Variants in ASTN2 observed in about 807,000 individuals in gnomAD.
ASTN2 encodes the protein astrotactin 2, also known as astrotactin-2.
ASTN2 carries 54 observed loss-of-function variants against 139.8 expected under a neutral mutation model. The ratio of observed to expected loss-of-function variants is 0.39; its 90% CI spans 0.31 to 0.48. The LOEUF is 0.48. Among genes scored for constraint, ASTN2 ranks in the 20% least tolerant of loss-of-function variants. The probability of loss-of-function intolerance (pLI) is 0.95; values close to 1 mark genes in which losing one functional copy is unlikely to be tolerated. For synonymous variants in ASTN2, 756 were observed against 719.5 expected, an observed-to-expected ratio of 1.05 and a Z score of -0.81; for missense variants, 1,565 against 1,725.1, an observed-to-expected ratio of 0.91 and a Z score of 1.64.
chr9:117,085,334 C>T (rs1403399628), intron 5 of ASTN2, among the ~76,000 whole-genome samples: 6 of 152,194 alleles, frequency 3.9e-5, no homozygotes, highest in Non-Finnish European at 8.8e-5. Context: ...TAACAATGGG[C>T]TCTCCCAGCA....
chr9:116,917,508 G>A (rs1238272937), intron 10 of ASTN2, among the ~76,000 whole-genome samples: 1 of 152,176 alleles, frequency 6.6e-6, no homozygotes, highest in Non-Finnish European at 1.5e-5. Flanking sequence ...TTTGGGTCTG[G>A]AGACAATAGA....
intron 2 of ASTN2, among the ~76,000 whole-genome samples, chr9:117,268,058 T>C (rs932935150): frequency 2.6e-5 from 4 of 152,200 alleles, no homozygotes; most frequent in African/African-American, 7.2e-5. Flanking sequence ...AGCACTGGAA[T>C]AGATTATAAA....
intron 1 of ASTN2, among the ~76,000 whole-genome samples, chr9:117,303,919 C>T (rs1043240902): frequency 6.6e-6 from 1 of 152,230 alleles, no homozygotes; most frequent in African/African-American, 2.4e-5. Context: ...CTTGCCCCCT[C>T]TTGATGCTCC....
In ASTN2 at chr9:116,626,801, C is replaced by T. The variant is rs961510154; in HGVS notation, c.3073-6358G>A. Among the ~76,000 whole-genome samples, 21 of 151,968 alleles carry T rather than the reference C, an allele frequency of 1.4e-4. No individual in the cohort carries two copies. The East Asian group carries it at 2.3e-3, about 17-fold the overall frequency. On this transcript the variant is annotated intron_variant, in intron 17 of 22. Coordinates refer to ENST00000313400, the MANE Select transcript of ASTN2 (RefSeq NM_001365068.1). ...TGACAATATGTGTAGTTGATCAGGA[C>T]GGAATTGATGAACACAGGAAGGATT...
At chr9:117,395,217 T>C (rs1278356317) in intron 1 of ASTN2, among the ~76,000 whole-genome samples, 2 of 152,152 alleles carry the variant, frequency 1.3e-5, no homozygotes, top group South Asian at 2.1e-4. Context: ...TTAACCTATA[T>C]AGCAGGACTC....
intron 1 of ASTN2, among the ~76,000 whole-genome samples, chr9:117,310,139 C>A (rs1292504056): frequency 6.6e-6 from 1 of 152,160 alleles, no homozygotes; most frequent in Admixed American, 6.5e-5. Context: ...TACATACATG[C>A]AAACATGCAT....
chr9:116,948,907 T>G (rs768965950), intron 10 of ASTN2, among the ~76,000 whole-genome samples: 75 of 144,434 alleles, frequency 5.2e-4, no homozygotes, highest in Admixed American at 7.3e-4. Context: ...TTCTCCTGCC[T>G]CAGCCTCCCG....
In ASTN2 at chr9:116,985,254, C is replaced by A. The variant is rs189994379; in HGVS notation, c.1592-8469G>T. 5.8e-4 allele frequency among the ~76,000 whole-genome samples: 89 copies of A among 152,342 alleles called. 1 individual carries two copies. The highest frequency in any genetic ancestry group is 5.6e-3 in the East Asian group (29 of 5,184). ...CAAAGCACTGAGACAAATGTGGACT[C>A]CGCATTGTAGCTGCCGGCCCCTTAT... On this transcript the variant is annotated intron_variant, in intron 7 of 22. Transcript: ENST00000313400.
At chr9:116,674,859 C>A (rs1859410052) in intron 16 of ASTN2, among the ~76,000 whole-genome samples, 1 of 152,164 alleles carries the variant, frequency 6.6e-6, no homozygotes, top group South Asian at 2.1e-4. Context: ...CCCCCAGCCA[C>A]CAAGTTATCC....
chr9:116,717,426 G>T (rs551309137), intron 16 of ASTN2, among the ~76,000 whole-genome samples: 1 of 152,076 alleles, frequency 6.6e-6, no homozygotes, highest in South Asian at 2.1e-4. Flanking sequence ...GTCTTCTGGC[G>T]TGCTGTAGAC....
intron 1 of ASTN2, among the ~76,000 whole-genome samples, chr9:117,331,499 G>C (rs565115346): frequency 6.6e-6 from 1 of 152,084 alleles, no homozygotes; most frequent in Non-Finnish European, 1.5e-5. Context: ...AATATAACAA[G>C]CCATACCCTC....
chr9:117,182,291 C>T, intron 3 of ASTN2, among the ~76,000 whole-genome samples: 1 of 150,448 alleles, frequency 6.6e-6, no homozygotes, highest in South Asian at 2.1e-4. Context: ...TGAGTGAACT[C>T]AGCATGCTTC....
chr9:116,725,762 C>G lies in ASTN2; in HGVS notation c.2806+9G>C. On this transcript the variant is annotated intron_variant, in intron 16 of 22. Transcript: ENST00000313400. ...TGGCCACCTCCTACAGTAGGCACTC[C>G]GGGCTTACCTTTCTGATACTGGAGC... 6.2e-7 allele frequency: 1 copy of G among 1,611,174 alleles called. No homozygotes were observed. Among genetic ancestry groups the G allele is most frequent in the Non-Finnish European group, 8.5e-7 (1 of 1,179,128 alleles).
intron 10 of ASTN2, among the ~76,000 whole-genome samples, chr9:116,925,962 G>A (rs1321870705): frequency 2.0e-5 from 3 of 151,962 alleles, no homozygotes; most frequent in African/African-American, 4.8e-5. Context: ...TTCACTGCCT[G>A]TAAGGTAAAG....
chr9:116,900,212 G>A lies in ASTN2; in HGVS notation c.1890-36479C>T, dbSNP rs140047892. 1.2e-3 allele frequency among the ~76,000 whole-genome samples: 181 copies of A among 152,268 alleles called. 2 individuals carry two copies. Among genetic ancestry groups the A allele is most frequent in the African/African-American group, 4.0e-3 (168 of 41,556 alleles). Reference sequence around the variant, plus strand: ...GCAGAGGGCAAGAAAAACCTGTTGGGCAATGACAATCATGATGATGATAGT... The same window carrying A: ...GCAGAGGGCAAGAAAAACCTGTTGGACAATGACAATCATGATGATGATAGT... On this transcript the variant is annotated intron_variant, in intron 10 of 22. Coordinates refer to ENST00000313400, the MANE Select transcript of ASTN2 (RefSeq NM_001365068.1).
intron 1 of ASTN2, among the ~76,000 whole-genome samples, chr9:117,375,689 G>A (rs1412452311): frequency 6.6e-6 from 1 of 152,170 alleles, no homozygotes; most frequent in Admixed American, 6.5e-5. Context: ...CCACCACTTA[G>A]TGAGGATGTG....
intron 17 of ASTN2, among the ~76,000 whole-genome samples, chr9:116,643,038 A>G (rs1229675860): frequency 1.3e-5 from 2 of 152,180 alleles, no homozygotes; most frequent in East Asian, 3.8e-4. Flanking sequence ...ATGTTATCTT[A>G]AGTAAATTAT....
At chr9:116,863,306 T>C (rs564189429) in intron 11 of ASTN2, among the ~76,000 whole-genome samples, 22 of 152,330 alleles carry the variant, frequency 1.4e-4, no homozygotes, top group Admixed American at 2.6e-4. Context: ...GACTGTAAGC[T>C]TCTGAAGGTC....
intron 3 of ASTN2, among the ~76,000 whole-genome samples, chr9:117,171,129 TTAAA>T (rs1162118481): frequency 2.0e-5 from 3 of 151,028 alleles, no homozygotes; most frequent in Non-Finnish European, 4.4e-5. Context: ...CAGGAGGAAT[TTAAA>T]TAAAACTAGA....
Sources: allele counts gnomAD v4.1 joint callset (sites outside exome capture counted in the v4.1 genomes callset), GRCh38; gene constraint gnomAD v4.1.1; transcripts MANE v1.5; gene names NCBI Gene and HGNC (gene_info 2026-07-23, HGNC 2026-07-21).